Variants in CHCHD3 observed in about 807,000 individuals in gnomAD.
CHCHD3 encodes MICOS complex subunit MIC19.
A neutral mutation model predicts 38.2 loss-of-function variants in CHCHD3; 20 were observed. That is an observed-to-expected ratio of 0.52 (90% CI 0.37 to 0.76). CHCHD3 has a LOEUF of 0.76. CHCHD3 is among the 30% of genes least tolerant of loss of function. The probability of loss-of-function intolerance (pLI) is 0.00; values close to 1 mark genes in which losing one functional copy is unlikely to be tolerated. For synonymous variants in CHCHD3, 82 were observed against 100.0 expected, an observed-to-expected ratio of 0.82 and a Z score of 1.07; for missense variants, 245 against 279.2, an observed-to-expected ratio of 0.88 and a Z score of 0.87.
chr7:132,864,864 T>C (rs1808579672), intron 5 of CHCHD3, among the ~76,000 whole-genome samples: 1 of 152,132 alleles, frequency 6.6e-6, no homozygotes, highest in South Asian at 2.1e-4. Flanking sequence ...ATATAAAAAC[T>C]TCTGAAAACT....
At chr7:132,977,392 TG>T (rs1413494913) in intron 3 of CHCHD3, among the ~76,000 whole-genome samples, 1 of 152,188 alleles carries the variant, frequency 6.6e-6, no homozygotes. Context: ...AAAATACACT[TG>T]TACTCAAATA....
chr7:133,026,734 A>T (rs1249040895), intron 2 of CHCHD3, among the ~76,000 whole-genome samples: 7 of 152,182 alleles, frequency 4.6e-5, no homozygotes, highest in Admixed American at 3.9e-4. Flanking sequence ...CAACATGATG[A>T]ATCTTGAAAA....
chr7:132,864,341 A>G (rs1290183158), intron 5 of CHCHD3, among the ~76,000 whole-genome samples: 2 of 152,128 alleles, frequency 1.3e-5, no homozygotes, highest in African/African-American at 4.8e-5. Context: ...GTCAGAACAC[A>G]CACGTAACAG....
intron 4 of CHCHD3, among the ~76,000 whole-genome samples, chr7:132,963,313 A>G (rs886343994): frequency 6.7e-6 from 1 of 148,450 alleles, no homozygotes; most frequent in African/African-American, 2.5e-5. Flanking sequence ...AAGGAATTTT[A>G]AAATTGTAAT....
Position 132,961,278 on chromosome 7 carries a change from T to C in CHCHD3, c.369+13891A>G, listed in dbSNP as rs376708221. Reference sequence around the variant, plus strand: ...GCCTGGGTAACAGAGAAAGACCCTGTCCCACAAATATATTAAGTTTTAATG... The same window carrying C: ...GCCTGGGTAACAGAGAAAGACCCTGCCCCACAAATATATTAAGTTTTAATG... On this transcript the variant is annotated intron_variant, in intron 4 of 7. Transcript: ENST00000262570. Among the ~76,000 whole-genome samples the C allele has an allele frequency of 4.5e-4, 69 of 152,262 alleles. 1 individual carries two copies. The East Asian group carries it at 0.012, about 26-fold the overall frequency.
intron 6 of CHCHD3, among the ~76,000 whole-genome samples, chr7:132,814,099 C>T (rs149897380): frequency 3.0e-4 from 46 of 152,272 alleles, no homozygotes; most frequent in African/African-American, 1.0e-3. Context: ...AGCAAAATCT[C>T]GCCTAAGACA....
intron 5 of CHCHD3, among the ~76,000 whole-genome samples, chr7:132,862,791 TC>T (rs1808528773): frequency 6.6e-6 from 1 of 152,230 alleles, no homozygotes; most frequent in Non-Finnish European, 1.5e-5. Context: ...TCAGCAATAT[TC>T]ACATCATCTT....
intron 3 of CHCHD3, 52 bp downstream of exon 3, chr7:133,024,493 TG>T: frequency 8.4e-7 from 1 of 1,188,536 alleles, no homozygotes; most frequent in Non-Finnish European, 1.3e-6. Flanking sequence ...CTAAAAATAC[TG>T]GTAAATATGA....
At chr7:133,053,455 A>AG (rs748974494) in intron 2 of CHCHD3, among the ~76,000 whole-genome samples, 1 of 152,196 alleles carries the variant, frequency 6.6e-6, no homozygotes, top group Non-Finnish European at 1.5e-5. Context: ...ATTCAGCCCA[A>AG]GCCATTCCAC....
At chr7:132,898,266 T>G (rs894124233) in intron 4 of CHCHD3, among the ~76,000 whole-genome samples, 1 of 152,144 alleles carries the variant, frequency 6.6e-6, no homozygotes, top group Non-Finnish European at 1.5e-5. Flanking sequence ...TGCTTTTATA[T>G]TCTCTTTTCT....
intron 4 of CHCHD3, among the ~76,000 whole-genome samples, chr7:132,889,603 T>A (rs1023683919): frequency 6.6e-6 from 1 of 152,014 alleles, no homozygotes; most frequent in African/African-American, 2.4e-5. Context: ...CACCACCAAG[T>A]TATAGGCCAG....
intron 4 of CHCHD3, among the ~76,000 whole-genome samples, chr7:132,943,683 G>A (rs968848414): frequency 6.6e-6 from 1 of 152,066 alleles, no homozygotes; most frequent in African/African-American, 2.4e-5. Flanking sequence ...AAAAGGAAAA[G>A]ACTGACAGAT....
At chr7:132,872,053 C>G (rs1405258940) in intron 5 of CHCHD3, among the ~76,000 whole-genome samples, 1 of 152,144 alleles carries the variant, frequency 6.6e-6, no homozygotes, top group Non-Finnish European at 1.5e-5. Context: ...CAAGAATCTG[C>G]CATCGAGGAA....
intron 3 of CHCHD3, 21 bp downstream of exon 3, chr7:133,024,525 C>G: frequency 4.4e-6 from 7 of 1,578,158 alleles, no homozygotes; most frequent in Non-Finnish European, 6.1e-6. Context: ...CAAAACCTCT[C>G]TCTGATACCA....
intron 5 of CHCHD3, among the ~76,000 whole-genome samples, chr7:132,861,121 T>C (rs897342440): frequency 6.6e-6 from 1 of 152,174 alleles, no homozygotes; most frequent in Admixed American, 6.5e-5. Context: ...CAACAGAACT[T>C]CCTGATGAAT....
At chr7:133,004,018 C>T (rs998022173) in intron 3 of CHCHD3, among the ~76,000 whole-genome samples, 10 of 151,482 alleles carry the variant, frequency 6.6e-5, no homozygotes, top group African/African-American at 2.2e-4. Flanking sequence ...AGTACAATGG[C>T]GCAATCTCGG....
chr7:132,984,942 G>A (rs1812055025), intron 3 of CHCHD3, among the ~76,000 whole-genome samples: 1 of 88,382 alleles, frequency 1.1e-5, no homozygotes, highest in African/African-American at 4.2e-5. Context: ...CGTCCGGGAG[G>A]TGAGGGGCGC....
chr7:133,068,072 C>T (rs1458391065), intron 2 of CHCHD3, among the ~76,000 whole-genome samples: 3 of 151,492 alleles, frequency 2.0e-5, no homozygotes, highest in African/African-American at 7.3e-5. Context: ...GCCAAGATCA[C>T]GCCACTGCAC....
chr7:133,063,164 A>G (rs1814567383), intron 2 of CHCHD3, among the ~76,000 whole-genome samples: 1 of 152,184 alleles, frequency 6.6e-6, no homozygotes, highest in Admixed American at 6.5e-5. Flanking sequence ...AAGTCAGCCT[A>G]AAGGTTTTCT....
Sources: allele counts gnomAD v4.1 joint callset (sites outside exome capture counted in the v4.1 genomes callset), GRCh38; gene constraint gnomAD v4.1.1; transcripts MANE v1.5; gene names NCBI Gene and HGNC (gene_info 2026-07-23, HGNC 2026-07-21).